The following EHMT1 variants were observed in gnomAD, a reference collection of about 807,000 sequenced individuals.
EHMT1 encodes euchromatic histone lysine methyltransferase 1.
Under a neutral mutation model 147.2 loss-of-function variants are expected in EHMT1, and 15 were observed. That is an observed-to-expected ratio of 0.10 (90% CI 0.07 to 0.16). The LOEUF is 0.16. Among genes scored for constraint, EHMT1 ranks in the 10% least tolerant of loss-of-function variants. The pLI is 1.00. For synonymous variants in EHMT1, 795 were observed against 709.6 expected (o/e 1.12, Z -1.91); for missense variants, 1,587 against 1,772.4 (o/e 0.90, Z 1.88).
intron 1 of EHMT1, chr9:137,641,126 G>A: frequency 2.9e-6 from 1 of 343,474 alleles, no homozygotes. Flanking sequence ...ATTTGGCCAA[G>A]TATGGTCTTT....
At chr9:137,717,264 G>T in intron 3 of EHMT1, 82 bp downstream of exon 3, 1 of 1,526,974 alleles carries the variant, frequency 6.5e-7, no homozygotes, top group Non-Finnish European at 8.8e-7. Flanking sequence ...GGTGCATTGA[G>T]GAGAAGCCAG....
intron 2 of EHMT1, chr9:137,715,693 T>C (rs755752430): frequency 2.0e-6 from 2 of 985,402 alleles, no homozygotes; most frequent in Non-Finnish European, 2.4e-6. Context: ...CTGGATATGA[T>C]TTCCTGGGGT....
intron 7 of EHMT1, 35 bp from the exon 8 acceptor site, chr9:137,754,136 T>C: frequency 6.2e-7 from 1 of 1,613,624 alleles, no homozygotes; most frequent in Non-Finnish European, 8.5e-7. Context: ...TTCCTGTGCT[T>C]AGTGGTTTAT....
chr9:137,638,679 G>C (rs12551411), intron 1 of EHMT1, among the ~76,000 whole-genome samples: 1 of 152,216 alleles, frequency 6.6e-6, no homozygotes, highest in South Asian at 2.1e-4. Flanking sequence ...TTGCAGATTA[G>C]TTAAGATGAA....
rs886063735 is a variant in EHMT1 at position 137,717,091 on chromosome 9, C to T, written c.551C>T (p.Ala184Val). Reference protein sequence around the residue: ...APPATLGEGSADTEDRKLPAP... With the variant: ...APPATLGEGSVDTEDRKLPAP... Reference sequence around the variant, plus strand: ...CCAGCCACCCTTGGGGAGGGGAGTGCTGACACAGAGGACAGGAAGCTCCCG... The same window carrying T: ...CCAGCCACCCTTGGGGAGGGGAGTGTTGACACAGAGGACAGGAAGCTCCCG... Residue 184 changes from alanine (A) to valine (V), a missense_variant, in exon 3 of 27, where the codon GCT becomes GTT. Coordinates refer to ENST00000460843, the MANE Select transcript of EHMT1 (RefSeq NM_024757.5). 1 of 1,612,046 alleles carries T rather than the reference C, an allele frequency of 6.2e-7. No homozygotes were observed. The highest frequency in any genetic ancestry group is 8.5e-7 in the Non-Finnish European group (1 of 1,179,484).
intron 2 of EHMT1, among the ~76,000 whole-genome samples, chr9:137,715,293 T>A (rs1945107412): frequency 6.6e-6 from 1 of 152,188 alleles, no homozygotes; most frequent in Non-Finnish European, 1.5e-5. Flanking sequence ...TGCTGCAGGA[T>A]TTGGTATGAG....
At chr9:137,645,708 G>T (rs1486510958) in intron 1 of EHMT1, among the ~76,000 whole-genome samples, 1 of 152,042 alleles carries the variant, frequency 6.6e-6, no homozygotes, top group Non-Finnish European at 1.5e-5. Context: ...GTTGGCTTTT[G>T]TACTTGCAGC....
At chr9:137,646,550 C>A in intron 1 of EHMT1, 1 of 692,262 alleles carries the variant, frequency 1.4e-6, no homozygotes, top group Non-Finnish European at 1.8e-6. Flanking sequence ...CTGGGGGAGG[C>A]CCCCGAGCGT....
chr9:137,704,719 G>C (rs2135250006), intron 1 of EHMT1, among the ~76,000 whole-genome samples: 1 of 152,086 alleles, frequency 6.6e-6, no homozygotes, highest in East Asian at 1.9e-4. Flanking sequence ...AGAAGCATCA[G>C]AATTCCTGGA....
intron 10 of EHMT1, among the ~76,000 whole-genome samples, chr9:137,766,581 C>T (rs1477307276): frequency 2.0e-5 from 3 of 152,288 alleles, no homozygotes; most frequent in Admixed American, 2.0e-4. Context: ...TGCTGCTGTT[C>T]TTCAGCCTGG....
intron 18 of EHMT1, chr9:137,802,374 T>C (rs1049225204): frequency 7.5e-6 from 3 of 398,036 alleles, no homozygotes; most frequent in African/African-American, 6.2e-5. Context: ...AAATGGGAGG[T>C]GCTGTAGCCC....
intron 8 of EHMT1, among the ~76,000 whole-genome samples, chr9:137,756,379 C>T (rs192661206): frequency 6.6e-5 from 10 of 152,294 alleles, no homozygotes; most frequent in African/African-American, 2.2e-4. Context: ...CCAGTGTCAC[C>T]GAGTGGCAGC....
At chr9:137,686,385 T>A (rs529472079) in intron 1 of EHMT1, among the ~76,000 whole-genome samples, 26 of 152,198 alleles carry the variant, frequency 1.7e-4, no homozygotes, top group South Asian at 1.5e-3. Context: ...GTTTTAAAAA[T>A]TTTTTTAATT....
intron 3 of EHMT1, among the ~76,000 whole-genome samples, chr9:137,721,001 C>T (rs951629512): frequency 1.3e-5 from 2 of 152,018 alleles, no homozygotes; most frequent in Non-Finnish European, 2.9e-5. Context: ...CGCCTTTCTC[C>T]CCTCCTCGCC....
intron 2 of EHMT1, chr9:137,715,885 C>A (rs984519129): frequency 3.1e-6 from 3 of 962,890 alleles, no homozygotes; most frequent in Non-Finnish European, 3.7e-6. Context: ...CAAACTTAAC[C>A]AACTAACGTT....
At chr9:137,636,049 G>A (rs1433706714) in intron 1 of EHMT1, among the ~76,000 whole-genome samples, 1 of 151,528 alleles carries the variant, frequency 6.6e-6, no homozygotes, top group Non-Finnish European at 1.5e-5. Flanking sequence ...AGCCTCCTGA[G>A]TAGTTGGGAT....
intron 16 of EHMT1, among the ~76,000 whole-genome samples, chr9:137,793,207 C>T (rs145084073): frequency 7.7e-4 from 118 of 152,284 alleles, no homozygotes; most frequent in Non-Finnish European, 8.8e-4. Flanking sequence ...GGTTTTTATG[C>T]AGAATATATA....
intron 18 of EHMT1, among the ~76,000 whole-genome samples, chr9:137,808,906 G>A (rs1194737072): frequency 1.3e-5 from 2 of 152,096 alleles, no homozygotes; most frequent in African/African-American, 2.4e-5. Context: ...CCTGGGTGAC[G>A]GAGTGAGACT....
chr9:137,647,604 T>C (rs1361440461), intron 1 of EHMT1, among the ~76,000 whole-genome samples: 1 of 151,032 alleles, frequency 6.6e-6, no homozygotes, highest in Admixed American at 6.6e-5. Context: ...CTTTTTTTTT[T>C]TTTTTTTTGA....
Sources: gnomAD v4.1 joint callset for allele counts (sites outside exome capture counted in the v4.1 genomes callset) on GRCh38, gnomAD v4.1.1 for gene constraint, MANE v1.5 for transcripts, NCBI Gene and HGNC (gene_info 2026-07-23, HGNC 2026-07-21) for gene names.